Variants in ADD1 observed in about 807,000 individuals in gnomAD.
The protein encoded by ADD1 is alpha-adducin.
In ADD1, 24 loss-of-function variants were observed where a neutral mutation model predicts 80.5. The observed-to-expected ratio is 0.30, with a 90% CI of 0.22 to 0.42. The LOEUF (loss-of-function observed/expected upper bound fraction) is 0.42. Ranked by LOEUF, ADD1 falls within the 10% of genes least tolerant of loss-of-function variation. The probability of loss-of-function intolerance (pLI) is 1.00; values close to 1 mark genes in which losing one functional copy is unlikely to be tolerated. For synonymous variants in ADD1, 373 were observed against 393.8 expected (o/e 0.95, Z 0.63); for missense variants, 948 against 1,019.0 (o/e 0.93, Z 0.95).
chr4:2,879,543 A>G (rs1363559803), intron 2 of ADD1, among the ~76,000 whole-genome samples: 2 of 152,084 alleles, frequency 1.3e-5, no homozygotes, highest in Non-Finnish European at 2.9e-5. Context: ...GAAGGCAAGG[A>G]GCTTGTTTAA....
At chr4:2,908,262 G>A (rs1737399005) in intron 11 of ADD1, among the ~76,000 whole-genome samples, 1 of 152,226 alleles carries the variant, frequency 6.6e-6, no homozygotes, top group African/African-American at 2.4e-5. Flanking sequence ...ATGACAGTGA[G>A]AGATAGGTGT....
chr4:2,861,747 G>C (rs187257384), intron 1 of ADD1, among the ~76,000 whole-genome samples: 137 of 152,266 alleles, frequency 9.0e-4, no homozygotes, highest in African/African-American at 3.2e-3. Context: ...AATCTATCTA[G>C]GTGGCTCTAA....
At chr4:2,880,311 T>C (rs1289574433) in intron 2 of ADD1, among the ~76,000 whole-genome samples, 2 of 152,098 alleles carry the variant, frequency 1.3e-5, no homozygotes, top group Non-Finnish European at 2.9e-5. Context: ...TGATAGGTAC[T>C]CTTAGACTGT....
At chr4:2,912,103 C>T (rs1307278444) in intron 13 of ADD1, among the ~76,000 whole-genome samples, 1 of 152,234 alleles carries the variant, frequency 6.6e-6, no homozygotes, top group Non-Finnish European at 1.5e-5. Flanking sequence ...GTTGCACAGC[C>T]TCGGGTGGAG....
chr4:2,910,197 T>C (rs1463394401), intron 13 of ADD1, among the ~76,000 whole-genome samples: 1 of 150,934 alleles, frequency 6.6e-6, no homozygotes, highest in African/African-American at 2.4e-5. Flanking sequence ...GACCGCATGG[T>C]TGAAGAGTCT....
chr4:2,880,528 T>C (rs1400466477), intron 2 of ADD1, among the ~76,000 whole-genome samples: 1 of 132,804 alleles, frequency 7.5e-6, no homozygotes, highest in Non-Finnish European at 1.5e-5. Context: ...CAAGCTGGAG[T>C]GCAGTGGCGG....
chr4:2,896,854 G>A (rs1472537583), intron 6 of ADD1, among the ~76,000 whole-genome samples: 1 of 152,120 alleles, frequency 6.6e-6, no homozygotes, highest in East Asian at 1.9e-4. Context: ...CATCTCCTGG[G>A]TTCAAACGAT....
At chr4:2,877,416 G>A (rs937874608) in intron 2 of ADD1, among the ~76,000 whole-genome samples, 4 of 152,044 alleles carry the variant, frequency 2.6e-5, no homozygotes, top group African/African-American at 9.7e-5. Context: ...TTGTTACTGA[G>A]TTATAACTTA....
rs779858510 is a variant in ADD1 at position 2,882,071 on chromosome 4, C to G, written c.358+11C>G. 4 of 1,578,992 alleles carry G rather than the reference C, an allele frequency of 2.5e-6. No homozygotes were observed. The highest frequency in any genetic ancestry group is 3.4e-6 in the Non-Finnish European group (4 of 1,168,664). The stretch of plus-strand genomic sequence containing the variant: ...CTGCCTTAAACATGAGTGAGTAGTT[C>G]CTGATTTTTAATATATGTTCTGTAG... On this transcript the variant is annotated intron_variant, in intron 3 of 15. Transcript: ENST00000683351.
chr4:2,881,751 A>G (rs1157914911), intron 2 of ADD1, 147 bp from the exon 3 acceptor site: 8 of 529,192 alleles, frequency 1.5e-5, no homozygotes, highest in Non-Finnish European at 2.6e-5. Context: ...ACCAGTTTAT[A>G]TTCTCAGCAG....
chr4:2,899,134 C>T, intron 8 of ADD1, 125 bp from the exon 9 acceptor site: 1 of 983,686 alleles, frequency 1.0e-6, no homozygotes, highest in Non-Finnish European at 1.5e-6. Flanking sequence ...ACTATCCATT[C>T]TACATTTTTT....
intron 4 of ADD1, among the ~76,000 whole-genome samples, chr4:2,885,651 C>T (rs570613603): frequency 1.3e-5 from 2 of 152,078 alleles, no homozygotes; most frequent in East Asian, 1.9e-4. Context: ...GCTCTGTTGC[C>T]CAGGCTGGAG....
chr4:2,872,374 A>G (rs749696560), intron 1 of ADD1, among the ~76,000 whole-genome samples: 1 of 152,242 alleles, frequency 6.6e-6, no homozygotes, highest in Non-Finnish European at 1.5e-5. Flanking sequence ...ACTTTAATCA[A>G]CTTACTCAAA....
rs557435048 is a variant in ADD1, at chr4:2,859,980, C to T, written c.-20-15916C>T. On this transcript the variant is annotated intron_variant, in intron 1 of 15. Transcript: ENST00000683351. The stretch of plus-strand genomic sequence containing the variant: ...GGTTAGTACTGTTAATCCCTCCTTA[C>T]GTGTTTAATTAGATTATAGAGTGTT... Among the ~76,000 whole-genome samples the T allele has an allele frequency of 1.5e-4, 23 of 149,908 alleles. 1 individual carries two copies. In the South Asian group the frequency reaches 3.8e-3, roughly 25 times the overall value.
intron 9 of ADD1, chr4:2,900,378 T>C (rs933106128): frequency 2.0e-5 from 3 of 152,220 alleles, no homozygotes; most frequent in African/African-American, 7.2e-5. Context: ...TCAGACCTCT[T>C]AGATGGGGGT....
intron 1 of ADD1, among the ~76,000 whole-genome samples, chr4:2,852,178 C>CT: frequency 1.7e-5 from 1 of 58,600 alleles, no homozygotes; most frequent in Non-Finnish European, 3.1e-5. Context: ...TTCTTTCTTT[C>CT]TTTCTTTCTT....
Sources: allele counts gnomAD v4.1 joint callset (sites outside exome capture counted in the v4.1 genomes callset), GRCh38; gene constraint gnomAD v4.1.1; transcripts MANE v1.5; gene names NCBI Gene and HGNC (gene_info 2026-07-23, HGNC 2026-07-21).